Variants in PUM2 observed in about 807,000 individuals in gnomAD.
The protein encoded by PUM2 is pumilio homolog 2.
PUM2 carries 57 observed loss-of-function variants against 124.5 expected under a neutral mutation model. The observed-to-expected ratio is 0.46, with a 90% CI of 0.37 to 0.57. The LOEUF (loss-of-function observed/expected upper bound fraction) is 0.57. PUM2 is among the 20% of genes least tolerant of loss of function. The pLI is 0.00. For synonymous variants in PUM2, 460 were observed against 446.1 expected (o/e 1.03, Z -0.39); for missense variants, 1,065 against 1,290.6 (o/e 0.83, Z 2.68).
chr2:20,273,185 T>C (rs1025943906), intron 13 of PUM2, among the ~76,000 whole-genome samples: 7 of 152,156 alleles, frequency 4.6e-5, no homozygotes, highest in Non-Finnish European at 8.8e-5. Context: ...CTACTGAAAA[T>C]TTCAGTGGGA....
intron 10 of PUM2, among the ~76,000 whole-genome samples, chr2:20,288,134 G>C (rs1174153533): frequency 6.6e-6 from 1 of 152,160 alleles, no homozygotes; most frequent in Non-Finnish European, 1.5e-5. Flanking sequence ...CTTGGGCACG[G>C]TTAAACAATA....
Position 20,283,501 on chromosome 2 carries a change from G to C in PUM2, c.1292-15C>G. ...TACTTGATAGCCTAAATAAAATAAA[G>C]GTTTACTAATGAAAGCACTTATTAC... On this transcript the variant is annotated splice_polypyrimidine_tract_variant and intron_variant, in intron 10 of 20. Transcript: ENST00000361078. 1.9e-6 allele frequency: 3 copies of C among 1,586,348 alleles called. No individual in the cohort carries two copies. The highest frequency in any genetic ancestry group is 1.1e-5 in the South Asian group (1 of 88,106).
intron 1 of PUM2, among the ~76,000 whole-genome samples, chr2:20,336,987 T>C (rs1375924942): frequency 1.3e-5 from 2 of 152,102 alleles, no homozygotes; most frequent in African/African-American, 2.4e-5. Context: ...AGTAAGACAT[T>C]ATATGATTCA....
At chr2:20,283,581 C>T in intron 10 of PUM2, 95 bp from the exon 11 acceptor site, 3 of 1,245,482 alleles carry the variant, frequency 2.4e-6, no homozygotes, top group Non-Finnish European at 3.4e-6. Context: ...CTAGACAACA[C>T]AGCTATTTGT....
At chr2:20,301,637 G>A (rs1020360739) in intron 7 of PUM2, among the ~76,000 whole-genome samples, 12 of 151,960 alleles carry the variant, frequency 7.9e-5, no homozygotes, top group African/African-American at 2.7e-4. Flanking sequence ...CCCAGGCTTG[G>A]GGTGCAGTGG....
In PUM2 at chr2:20,257,159, T is replaced by A. The variant is rs191992187; in HGVS notation, c.2485-989A>T. On this transcript the variant is annotated intron_variant, in intron 16 of 20. Coordinates refer to ENST00000361078, the MANE Select transcript of PUM2 (RefSeq NM_015317.5). ...TTATTTTTAAATATCAAAGACATTT[T>A]AAAAATATCTATACCAGTTAGAAAC... Among the ~76,000 whole-genome samples the A allele has an allele frequency of 5.7e-3, 865 of 151,904 alleles. 8 individuals carry two copies. Among genetic ancestry groups the A allele is most frequent in the African/African-American group, 0.02 (817 of 41,470 alleles).
chr2:20,329,977 C>T (rs1165268720), intron 1 of PUM2, among the ~76,000 whole-genome samples: 1 of 151,558 alleles, frequency 6.6e-6, no homozygotes, highest in Non-Finnish European at 1.5e-5. Context: ...TTCAAGAAGC[C>T]CCATGGACAC....
At chr2:20,276,634 A>G (rs1318287070) in intron 13 of PUM2, among the ~76,000 whole-genome samples, 1 of 151,908 alleles carries the variant, frequency 6.6e-6, no homozygotes, top group Non-Finnish European at 1.5e-5. Flanking sequence ...GCCTTGCATC[A>G]TGATCCATTC....
In PUM2 at chr2:20,327,288, C is replaced by T. The variant is rs202218964; in HGVS notation, c.51+22G>A. The T allele has an allele frequency of 2.2e-4, 324 of 1,474,548 alleles. 1 individual carries two copies. Among genetic ancestry groups the T allele is most frequent in the Middle Eastern group, 2.1e-3 (12 of 5,816 alleles). 91.3% of individuals were successfully genotyped at this position (1,474,548 alleles called of 1,614,324 possible). ...CTCAAAATAAAGTGAGGTGTAAGTT[C>T]TTAGTATTTGCAAACATTTACCTCT... On this transcript the variant is annotated intron_variant, in intron 2 of 20. Coordinates refer to ENST00000361078, the MANE Select transcript of PUM2 (RefSeq NM_015317.5).
Position 20,256,138 on chromosome 2 carries a change from C to T in PUM2, c.2517G>A (p.Val839=). The change falls in exon 17 of 21, where the codon GTG becomes GTA. Residue 839 remains valine, a synonymous_variant. Transcript: ENST00000361078. The part of the protein sequence containing the change: ...SEMVKELDGH[V]LKCVKDQNGN... ...CATTCTGATCTTTCACACATTTGAG[C>T]ACATGACCATCCAGCTCCTTTACCA... 6.3e-7 allele frequency: 1 copy of T among 1,599,190 alleles called. No homozygotes were observed. Among genetic ancestry groups the T allele is most frequent in the Non-Finnish European group, 8.5e-7 (1 of 1,175,104 alleles).
chr2:20,251,525 C>A lies in PUM2; in HGVS notation c.*60G>T. The stretch of plus-strand genomic sequence containing the variant: ...ATAGTTGAGTTGTGTTTTGATAATT[C>A]ACACACAAAAAAATTCTTTTCACAT... On this transcript the variant is annotated 3_prime_UTR_variant, in exon 21 of 21. Transcript: ENST00000361078. 1 of 1,506,510 alleles carries A rather than the reference C, an allele frequency of 6.6e-7. No homozygotes were observed. Among genetic ancestry groups the A allele is most frequent in the Non-Finnish European group, 9.0e-7 (1 of 1,114,096 alleles). 93.3% of individuals were successfully genotyped at this position (1,506,510 alleles called of 1,614,324 possible).
intron 12 of PUM2, 118 bp downstream of exon 12, chr2:20,282,829 C>T: frequency 8.7e-7 from 1 of 1,155,328 alleles, no homozygotes; most frequent in Non-Finnish European, 1.2e-6. Flanking sequence ...AACCAGTAGT[C>T]CAATACTTTA....
chr2:20,308,595 A>C lies in PUM2; in HGVS notation c.519-11T>G. On this transcript the variant is annotated splice_polypyrimidine_tract_variant and intron_variant, in intron 5 of 20. Coordinates refer to ENST00000361078, the MANE Select transcript of PUM2 (RefSeq NM_015317.5). ...CTTCCAGGAGTACGACTACATAAAG[A>C]AAATAGAAAAGCATTATGAATAAAA... is the stretch of plus-strand genomic sequence containing the variant. 1 of 1,580,132 alleles carries C rather than the reference A, an allele frequency of 6.3e-7. No homozygotes were observed. Among genetic ancestry groups the C allele is most frequent in the Non-Finnish European group, 8.6e-7 (1 of 1,165,892 alleles).
At chr2:20,255,422 T>G in intron 17 of PUM2, 81 bp from the exon 18 acceptor site, 1 of 1,438,804 alleles carries the variant, frequency 7.0e-7, no homozygotes. Context: ...TTTGTTTTTT[T>G]TTTTTTTGAC....
chr2:20,303,452 T>C (rs1438237448), intron 7 of PUM2, among the ~76,000 whole-genome samples: 4 of 150,484 alleles, frequency 2.7e-5, no homozygotes, highest in African/African-American at 4.9e-5. Flanking sequence ...TTTTTTTTTT[T>C]CAAAAGAGAA....
chr2:20,257,758 C>T (rs1665162893), intron 16 of PUM2, among the ~76,000 whole-genome samples: 1 of 151,988 alleles, frequency 6.6e-6, no homozygotes, highest in South Asian at 2.1e-4. Context: ...ATTTAATTTA[C>T]GTGTTCTTGT....
chr2:20,330,162 G>A (rs553734585), intron 1 of PUM2, among the ~76,000 whole-genome samples: 36 of 152,320 alleles, frequency 2.4e-4, no homozygotes, highest in African/African-American at 7.7e-4. Context: ...ATGGGGCCCA[G>A]AACATACAGG....
chr2:20,290,443 ATTCCTGTCGTTGAGTCTCAATTTAC>A (rs1673758346), intron 10 of PUM2, among the ~76,000 whole-genome samples, 184 bp downstream of exon 10: 2 of 6,458 alleles, frequency 3.1e-4, no homozygotes, highest in Admixed American at 4.0e-3. Context: ...CATATTTACC[ATTCCTGTCGTTGAGTCTCAATTTAC>A]CATTCCTGTC....
intron 7 of PUM2, among the ~76,000 whole-genome samples, chr2:20,300,360 G>A (rs879069184): frequency 3.9e-5 from 6 of 152,094 alleles, no homozygotes; most frequent in Admixed American, 3.9e-4. Flanking sequence ...TGTTGGTCAG[G>A]CTGGTTGTGA....
Sources: allele counts gnomAD v4.1 joint callset (sites outside exome capture counted in the v4.1 genomes callset), GRCh38; gene constraint gnomAD v4.1.1; transcripts MANE v1.5; gene names NCBI Gene and HGNC (gene_info 2026-07-23, HGNC 2026-07-21).